TTC28: variants seen among roughly 807,000 people sequenced by gnomAD.
The protein encoded by TTC28 is tetratricopeptide repeat protein 28.
In TTC28, 61 loss-of-function variants were observed where a neutral mutation model predicts 198.0. The ratio of observed to expected loss-of-function variants is 0.31; its 90% CI spans 0.25 to 0.38. The LOEUF is 0.38. Ranked by LOEUF, TTC28 falls within the 10% of genes least tolerant of loss-of-function variation. The pLI is 1.00. For synonymous variants in TTC28, 1,171 were observed against 1,297.8 expected, an observed-to-expected ratio of 0.90 and a Z score of 2.10; for missense variants, 2,678 against 3,164.0, an observed-to-expected ratio of 0.85 and a Z score of 3.69.
At chr22:28,417,140 T>C (rs972979163) in intron 2 of TTC28, among the ~76,000 whole-genome samples, 20 of 151,464 alleles carry the variant, frequency 1.3e-4, no homozygotes, top group African/African-American at 4.8e-4. Context: ...TGTAATCCCA[T>C]CACTTTGGGA....
rs981060267 is a variant in TTC28, at chr22:28,108,061, C to T, written c.1784G>A (p.Arg595Gln). 8 of 1,551,604 alleles carry T rather than the reference C, an allele frequency of 5.2e-6. 1 individual carries two copies. Among genetic ancestry groups the T allele is most frequent in the East Asian group, 2.4e-5 (1 of 40,914 alleles). The change falls in exon 7 of 23, where the codon CGG becomes CAG. Residue 595 changes from arginine to glutamine, a missense_variant. Arg to Gln is a conservative substitution (Grantham distance 43). Transcript: ENST00000397906. ...GAAATTGCCCAGGTTGCTGAGGGCC[C>T]GGGCCTCGCTCTGGATGTCTCGTAG... ...RELRDIQSEA[R>Q]ALSNLGNFHC... is the part of the protein sequence containing the mutation.
intron 5 of TTC28, among the ~76,000 whole-genome samples, chr22:28,181,700 T>C (rs764085632): frequency 1.6e-4 from 25 of 152,300 alleles, no homozygotes; most frequent in Non-Finnish European, 3.2e-4. Flanking sequence ...ATGTTACTCC[T>C]TGACACCTCC....
intron 2 of TTC28, among the ~76,000 whole-genome samples, chr22:28,580,908 A>G (rs2050224576): frequency 6.6e-6 from 1 of 152,180 alleles, no homozygotes; most frequent in African/African-American, 2.4e-5. Context: ...GAAAATCAAT[A>G]TTTATTTAAA....
At chr22:28,066,335 G>C (rs1940753262) in intron 12 of TTC28, among the ~76,000 whole-genome samples, 1 of 151,632 alleles carries the variant, frequency 6.6e-6, no homozygotes, top group Admixed American at 6.6e-5. Context: ...GCGCGCGCAT[G>C]CATGTGTAGG....
intron 2 of TTC28, among the ~76,000 whole-genome samples, chr22:28,565,082 T>C (rs935602766): frequency 1.3e-5 from 2 of 151,782 alleles, no homozygotes; most frequent in African/African-American, 2.4e-5. Context: ...CCCTACTATA[T>C]TCGATGAGGC....
chr22:28,292,047 T>A (rs2044797687), intron 5 of TTC28, among the ~76,000 whole-genome samples: 1 of 152,090 alleles, frequency 6.6e-6, no homozygotes, highest in Admixed American at 6.6e-5. Flanking sequence ...GTAATTGTTA[T>A]GTAATTGGAT....
At position 28,339,325 on chromosome 22, in the gene TTC28, C is replaced by A. The variant is rs575859315; in HGVS notation, c.382-32682G>T. 2.6e-5 allele frequency among the ~76,000 whole-genome samples: 4 copies of A among 152,278 alleles called. No individual in the cohort carries two copies. The South Asian group carries it at 8.3e-4, about 32-fold the overall frequency. On this transcript the variant is annotated intron_variant, in intron 2 of 22. Coordinates refer to ENST00000397906, the MANE Select transcript of TTC28 (RefSeq NM_001145418.2). Reference sequence around the variant, plus strand: ...TACTGGGGGGTGCCTCCCAGTTAGGCTACTCGGCGGTCAGGGACCCACTTC... The same window carrying A: ...TACTGGGGGGTGCCTCCCAGTTAGGATACTCGGCGGTCAGGGACCCACTTC...
intron 2 of TTC28, among the ~76,000 whole-genome samples, chr22:28,556,634 G>A (rs973685496): frequency 6.6e-6 from 1 of 152,158 alleles, no homozygotes; most frequent in Non-Finnish European, 1.5e-5. Context: ...AAACACAGCG[G>A]CTTAAAACAA....
In TTC28 at chr22:28,011,315, G is replaced by A. The variant is rs116483187; in HGVS notation, c.4218+2933C>T. 8.5e-5 allele frequency among the ~76,000 whole-genome samples: 13 copies of A among 152,224 alleles called. No individual in the cohort carries two copies. The South Asian group carries it at 1.5e-3, about 17-fold the overall frequency. On this transcript the variant is annotated intron_variant, in intron 14 of 22. Transcript: ENST00000397906. The stretch of plus-strand genomic sequence containing the variant: ...GGGGAATTAAAAAATATATATTTTC[G>A]CTGGGCATGGTGGTTCACGCCCGTA...
intron 2 of TTC28, among the ~76,000 whole-genome samples, chr22:28,454,925 T>C (rs554324289): frequency 6.6e-6 from 1 of 152,348 alleles, no homozygotes; most frequent in East Asian, 1.9e-4. Flanking sequence ...GTGCTGTCTA[T>C]CTGGCCACCC....
chr22:28,610,447 A>G (rs184001519), intron 2 of TTC28, among the ~76,000 whole-genome samples: 3 of 152,320 alleles, frequency 2.0e-5, no homozygotes, highest in African/African-American at 7.2e-5. Context: ...TCAGGCAAAC[A>G]GGGTCTAAAG....
intron 2 of TTC28, among the ~76,000 whole-genome samples, chr22:28,626,530 A>G (rs1296983108): frequency 6.6e-6 from 1 of 152,112 alleles, no homozygotes; most frequent in Non-Finnish European, 1.5e-5. Flanking sequence ...CACCAGATAT[A>G]CATTTATAAC....
chr22:28,079,394 G>A (rs927574714), intron 12 of TTC28, among the ~76,000 whole-genome samples: 8 of 151,960 alleles, frequency 5.3e-5, no homozygotes, highest in Non-Finnish European at 7.4e-5. Context: ...ATTTATTCTC[G>A]TAACCATTTT....
chr22:28,157,580 T>C (rs186777467), intron 6 of TTC28, among the ~76,000 whole-genome samples: 2 of 152,302 alleles, frequency 1.3e-5, no homozygotes, highest in African/African-American at 4.8e-5. Flanking sequence ...AGATTATTCA[T>C]CATGACCTAG....
intron 1 of TTC28, among the ~76,000 whole-genome samples, chr22:28,639,445 A>G (rs1439952486): frequency 6.6e-6 from 1 of 152,196 alleles, no homozygotes; most frequent in Non-Finnish European, 1.5e-5. Context: ...TGCCATATGG[A>G]TGAGCAAAGG....
At chr22:28,127,281 A>G (rs1942940567) in intron 6 of TTC28, among the ~76,000 whole-genome samples, 1 of 152,180 alleles carries the variant, frequency 6.6e-6, no homozygotes, top group South Asian at 2.1e-4. Flanking sequence ...TTTTGCTAAA[A>G]CTTTGATATA....
At chr22:28,300,976 G>A (rs1014887091) in intron 3 of TTC28, among the ~76,000 whole-genome samples, 1 of 152,132 alleles carries the variant, frequency 6.6e-6, no homozygotes, top group South Asian at 2.1e-4. Context: ...ACTGGTGATT[G>A]TTACACAAAT....
intron 1 of TTC28, among the ~76,000 whole-genome samples, chr22:28,630,671 AAC>A (rs1009709070): frequency 1.2e-4 from 19 of 152,262 alleles, no homozygotes; most frequent in African/African-American, 4.6e-4. Context: ...AACCTCAATA[AAC>A]ACAAACATTC....
intron 5 of TTC28, among the ~76,000 whole-genome samples, chr22:28,227,547 G>A (rs1928438386): frequency 6.6e-6 from 1 of 152,064 alleles, no homozygotes; most frequent in Non-Finnish European, 1.5e-5. Flanking sequence ...ATTCAAAAAT[G>A]GACTTGGAAC....
Sources: gnomAD v4.1 joint callset for allele counts (sites outside exome capture counted in the v4.1 genomes callset) on GRCh38, gnomAD v4.1.1 for gene constraint, MANE v1.5 for transcripts, NCBI Gene and HGNC (gene_info 2026-07-23, HGNC 2026-07-21) for gene names.